The following SLC25A15 variants were observed in gnomAD, a reference collection of about 807,000 sequenced individuals.
The protein encoded by SLC25A15 is mitochondrial ornithine transporter 1.
A neutral mutation model predicts 32.3 loss-of-function variants in SLC25A15; 24 were observed. That is an observed-to-expected ratio of 0.74 (90% CI 0.54 to 1.04). The LOEUF is 1.04. Among genes scored for constraint, SLC25A15 ranks in the 50% least tolerant of loss-of-function variants. The pLI, the probability that SLC25A15 is intolerant of heterozygous loss-of-function variation, is 0.00. For synonymous variants in SLC25A15, 132 were observed against 142.1 expected, an observed-to-expected ratio of 0.93 and a Z score of 0.51; for missense variants, 317 against 374.5, an observed-to-expected ratio of 0.85 and a Z score of 1.27.
rs188366373 is a variant in SLC25A15, at chr13:40,790,382, C to A, written c.-70+719C>A. ...AGGGGTCAAAGGCGCTGAAAAGATT[C>A]TTTTTTCTATTCCAAGTGCTACAGC... On this transcript the variant is annotated intron_variant, in intron 1 of 6. Coordinates refer to ENST00000338625, the MANE Select transcript of SLC25A15 (RefSeq NM_014252.4). Among the ~76,000 whole-genome samples, 909 of 152,272 alleles carry A rather than the reference C, an allele frequency of 6.0e-3. 6 individuals are homozygous for A. Among genetic ancestry groups the A allele is most frequent in the Non-Finnish European group, 0.01 (684 of 68,006 alleles).
At chr13:40,806,907 A>G (rs1882205879) in intron 4 of SLC25A15, among the ~76,000 whole-genome samples, 1 of 152,236 alleles carries the variant, frequency 6.6e-6, no homozygotes, top group Admixed American at 6.5e-5. Context: ...AACAGGAGCT[A>G]TATAACTTGT....
chr13:40,809,629 A>G lies in SLC25A15; in HGVS notation c.868A>G (p.Ser290Gly). 1 of 1,613,024 alleles carries G rather than the reference A, an allele frequency of 6.2e-7. No homozygotes were observed. Among genetic ancestry groups the G allele is most frequent in the Non-Finnish European group, 8.5e-7 (1 of 1,179,864 alleles). ...AGCACTCTTTTTGGCCTACGAATAT[A>G]GCAGGAAGTTGATGATGAACCAGTT... Reference protein sequence around the residue: ...NGALFLAYEYSRKLMMNQLEA... With the variant: ...NGALFLAYEYGRKLMMNQLEA... Residue 290 changes from serine to glycine, a missense_variant, in exon 7 of 7, where the codon AGC becomes GGC. Coordinates refer to ENST00000338625, the MANE Select transcript of SLC25A15 (RefSeq NM_014252.4).
intron 3 of SLC25A15, 109 bp downstream of exon 3, chr13:40,799,424 GA>G: frequency 7.0e-7 from 1 of 1,418,540 alleles, no homozygotes; most frequent in Non-Finnish European, 9.8e-7. Context: ...GCAAAGGCAG[GA>G]AAATGGCTTG....
rs779635040 is a variant in SLC25A15 at position 40,805,128 on chromosome 13, A to G, written c.325A>G (p.Asn109Asp). The change falls in exon 4 of 7, where the codon AAT (asparagine) becomes GAT (aspartate). Residue 109 changes from asparagine to aspartate, a missense_variant. Coordinates refer to ENST00000338625, the MANE Select transcript of SLC25A15 (RefSeq NM_014252.4). ...DKQAKLSDLQ[N>D]AAAGSFASAF... ...CTTGTGTGCTTTCAGTGATCTGCAG[A>G]ATGCAGCCGCCGGTTCCTTCGCCTC... 6.2e-7 allele frequency: 1 copy of G among 1,614,126 alleles called. No individual in the cohort carries two copies. Among genetic ancestry groups the G allele is most frequent in the East Asian group, 2.2e-5 (1 of 44,886 alleles).
At chr13:40,800,778 A>G (rs1041576010) in intron 3 of SLC25A15, among the ~76,000 whole-genome samples, 4 of 152,182 alleles carry the variant, frequency 2.6e-5, no homozygotes, top group African/African-American at 9.7e-5. Context: ...GCTGAGAACA[A>G]TCTAATACCT....
intron 3 of SLC25A15, 55 bp from the exon 4 acceptor site, chr13:40,805,063 G>GA: frequency 6.2e-7 from 1 of 1,610,662 alleles, no homozygotes; most frequent in Non-Finnish European, 8.5e-7. Flanking sequence ...TCTGTGTGGT[G>GA]AGTGCCAAAG....
intron 5 of SLC25A15, among the ~76,000 whole-genome samples, chr13:40,807,991 T>C (rs1223336657): frequency 2.0e-5 from 3 of 152,192 alleles, no homozygotes; most frequent in Admixed American, 6.5e-5. Context: ...CCAGACTTAA[T>C]TGCTATGTTT....
chr13:40,809,971 G>A lies in SLC25A15; in HGVS notation c.*304G>A, dbSNP rs185312797. ...AATATAGTTCTGTCAGGGCTTTTACGTAAACCTCCACTTGTACATGCAATT... is the reference window on the plus strand; with the variant it reads ...AATATAGTTCTGTCAGGGCTTTTACATAAACCTCCACTTGTACATGCAATT... On this transcript the variant is annotated 3_prime_UTR_variant, in exon 7 of 7. Transcript: ENST00000338625. 3.6e-5 allele frequency: 14 copies of A among 392,214 alleles called. No individual in the cohort carries two copies. The East Asian group carries it at 4.1e-4, about 11-fold the overall frequency. 24.3% of individuals were successfully genotyped at this position (392,214 alleles called of 1,614,324 possible).
rs1882421595 is a variant in SLC25A15, at chr13:40,810,946, A to C, written c.*1279A>C. On this transcript the variant is annotated 3_prime_UTR_variant, in exon 7 of 7. Coordinates refer to ENST00000338625, the MANE Select transcript of SLC25A15 (RefSeq NM_014252.4). ...AGAAACCCTTCCAAGGAACAGTGAG[A>C]GCCAAAGCCAAGAGAAGCCTTCTTC... 1 of 484,258 alleles carries C rather than the reference A, an allele frequency of 2.1e-6. No homozygotes were observed. The highest frequency in any genetic ancestry group is 5.8e-5 in the East Asian group (1 of 17,372). The allele number at this position is 484,258 out of a possible 1,614,324, so 30.0% of individuals were successfully genotyped here.
chr13:40,796,290 G>A (rs1177001033), intron 2 of SLC25A15, among the ~76,000 whole-genome samples: 2 of 152,146 alleles, frequency 1.3e-5, no homozygotes, highest in South Asian at 4.1e-4. Flanking sequence ...GTGCTGGGAA[G>A]TTCCCATTTC....
intron 3 of SLC25A15, among the ~76,000 whole-genome samples, chr13:40,804,917 C>T (rs1451521914): frequency 1.3e-5 from 2 of 152,032 alleles, no homozygotes; most frequent in African/African-American, 4.8e-5. Flanking sequence ...TGGCTGTTCA[C>T]AGATGCAGTC....
chr13:40,802,636 C>T (rs894123597), intron 3 of SLC25A15, among the ~76,000 whole-genome samples: 7 of 149,672 alleles, frequency 4.7e-5, no homozygotes, highest in African/African-American at 9.9e-5. Flanking sequence ...AGTGCAGTGG[C>T]GCAATCTTAA....
In SLC25A15 at chr13:40,799,111, T is replaced by C. The variant is rs121908533; in HGVS notation, c.110T>C (p.Met37Thr). The C allele has an allele frequency of 7.4e-6, 12 of 1,614,056 alleles. No individual in the cohort carries two copies. The highest frequency in any genetic ancestry group is 1.0e-5 in the Non-Finnish European group (12 of 1,180,016). Residue 37 changes from methionine (M) to threonine (T), a missense_variant, in exon 3 of 7, where the codon ATG becomes ACG. Transcript: ENST00000338625. ...GQPFDTMKVK[M>T]QTFPDLYRGL... ...CCCTTTGACACAATGAAAGTGAAGA[T>C]GCAGACGTTCCCTGACCTGTACCGG... is the stretch of plus-strand genomic sequence containing the variant.
chr13:40,797,213 A>G (rs899634190), intron 2 of SLC25A15, among the ~76,000 whole-genome samples: 5 of 152,144 alleles, frequency 3.3e-5, no homozygotes, highest in African/African-American at 1.2e-4. Flanking sequence ...GCATTTGTAC[A>G]TTCATTAGCC....
intron 2 of SLC25A15, among the ~76,000 whole-genome samples, chr13:40,797,227 C>T (rs1229752058): frequency 6.6e-6 from 1 of 152,096 alleles, no homozygotes; most frequent in Non-Finnish European, 1.5e-5. Context: ...ATTAGCCTCC[C>T]CCTTCTCCCT....
Position 40,811,077 on chromosome 13 carries a change from G to T in SLC25A15, c.*1410G>T, listed in dbSNP as rs1882428998. 6.6e-6 allele frequency among the ~76,000 whole-genome samples: 1 copy of T among 152,226 alleles called. No homozygotes were observed. The highest frequency in any genetic ancestry group is 2.1e-4 in the South Asian group (1 of 4,838). The stretch of plus-strand genomic sequence containing the variant: ...AGTAATGTCAGGTCTGACCCATCCT[G>T]AAGCCTGTCTTGCCATGCTTTTACA... On this transcript the variant is annotated 3_prime_UTR_variant, in exon 7 of 7. Coordinates refer to ENST00000338625, the MANE Select transcript of SLC25A15 (RefSeq NM_014252.4).
chr13:40,795,700 G>A (rs535123315), intron 2 of SLC25A15, among the ~76,000 whole-genome samples: 13 of 152,278 alleles, frequency 8.5e-5, no homozygotes, highest in Admixed American at 2.6e-4. Context: ...GCTGGGCAGA[G>A]GAGGTGCCTA....
At position 40,805,235 on chromosome 13, in the gene SLC25A15, G is replaced by A. The variant is rs1882126748; in HGVS notation, c.432G>A (p.Gly144=). The A allele has an allele frequency of 1.9e-6, 3 of 1,614,198 alleles. No individual in the cohort carries two copies. The highest frequency in any genetic ancestry group is 4.5e-5 in the East Asian group (2 of 44,888). The change falls in exon 4 of 7, where the codon GGG becomes GGA. Residue 144 remains glycine, a synonymous_variant. Coordinates refer to ENST00000338625, the MANE Select transcript of SLC25A15 (RefSeq NM_014252.4). ...LQTMYEMETS[G]KIAKSQNTVW... ...CCATGTATGAGATGGAGACATCAGG[G>A]AAGATAGCCAAGAGCCAGAAGTAAG...
chr13:40,807,030 T>C (rs1008568167), intron 4 of SLC25A15, among the ~76,000 whole-genome samples: 4 of 152,300 alleles, frequency 2.6e-5, no homozygotes, highest in East Asian at 1.9e-4. Flanking sequence ...ACCAGAAAGA[T>C]TGAGGAAATA....
Sources: gnomAD v4.1 joint callset for allele counts (sites outside exome capture counted in the v4.1 genomes callset) on GRCh38, gnomAD v4.1.1 for gene constraint, MANE v1.5 for transcripts, NCBI Gene and HGNC (gene_info 2026-07-23, HGNC 2026-07-21) for gene names.